Variants in RALGAPA2 observed in about 807,000 individuals in gnomAD.
The protein encoded by RALGAPA2 is Ral GTPase activating protein catalytic subunit alpha 2, also known as ral GTPase-activating protein subunit alpha-2.
RALGAPA2 carries 139 observed loss-of-function variants against 230.4 expected under a neutral mutation model. That is an observed-to-expected ratio of 0.60 (90% CI 0.53 to 0.69). RALGAPA2 has a LOEUF of 0.69. RALGAPA2 is among the 30% of genes least tolerant of loss of function. The pLI is 0.00. For missense variants in RALGAPA2, 2,163 were observed against 2,276.0 expected (o/e 0.95, Z 1.01); for synonymous variants, 847 against 837.8 (o/e 1.01, Z -0.19).
chr20:20,666,011 T>G (rs1163799743), intron 3 of RALGAPA2, among the ~76,000 whole-genome samples: 3 of 152,252 alleles, frequency 2.0e-5, no homozygotes, highest in Admixed American at 6.5e-5. Flanking sequence ...CATTTGGAGT[T>G]GTTCCCAACC....
intron 37 of RALGAPA2, among the ~76,000 whole-genome samples, chr20:20,468,339 A>G (rs970325637): frequency 1.3e-5 from 2 of 152,132 alleles, no homozygotes; most frequent in Non-Finnish European, 2.9e-5. Context: ...CATCCCTCCC[A>G]TCTGGGGGTA....
Position 20,611,407 on chromosome 20 carries a change from G to A in RALGAPA2, c.1708C>T (p.Leu570=). ...ATGACAGCTTCTGTTATCCTGAGTA[G>A]TATTTGCAACATCTGTTCCCTGGGC... ...KKTWEQMLQI[L]LRITEAVMQK... is the part of the protein sequence containing the mutation. Residue 570 remains leucine (L), a synonymous_variant, in exon 14 of 40, where the codon CTA becomes TTA. Coordinates refer to ENST00000202677, the MANE Select transcript of RALGAPA2 (RefSeq NM_020343.4). 6.2e-7 allele frequency: 1 copy of A among 1,612,828 alleles called. No homozygotes were observed. Among genetic ancestry groups the A allele is most frequent in the Non-Finnish European group, 8.5e-7 (1 of 1,179,218 alleles).
At chr20:20,539,785 C>G (rs2063594674) in intron 24 of RALGAPA2, among the ~76,000 whole-genome samples, 1 of 152,198 alleles carries the variant, frequency 6.6e-6, no homozygotes, top group South Asian at 2.1e-4. Flanking sequence ...CCAACCACAG[C>G]CCCTGGGAAC....
chr20:20,594,076 G>C (rs1421051591), intron 16 of RALGAPA2, among the ~76,000 whole-genome samples: 1 of 152,208 alleles, frequency 6.6e-6, no homozygotes, highest in African/African-American at 2.4e-5. Context: ...CGATGCTTAA[G>C]TGTGCTGTTG....
chr20:20,591,062 T>C lies in RALGAPA2; in HGVS notation c.2341+115A>G, dbSNP rs2065274191. On this transcript the variant is annotated intron_variant, in intron 17 of 39. Transcript: ENST00000202677. ...CATCCTTCTAATCAAATTAAAAAGG[T>C]AATTCCCTTGAAATAAATATATTCA... 5 of 1,221,472 alleles carry C rather than the reference T, an allele frequency of 4.1e-6. No homozygotes were observed. In the Admixed American group the frequency reaches 1.0e-4, roughly 25 times the overall value. 75.7% of individuals were successfully genotyped at this position (1,221,472 alleles called of 1,614,324 possible).
chr20:20,599,880 G>A lies in RALGAPA2; in HGVS notation c.2203+1802C>T, dbSNP rs778624368. ...CCCAGCTACTCGGGAGGCTGAGGTG[G>A]TAGAATCGCTTGAACCTGGGAGGTA... is the stretch of plus-strand genomic sequence containing the variant. On this transcript the variant is annotated intron_variant, in intron 16 of 39. Coordinates refer to ENST00000202677, the MANE Select transcript of RALGAPA2 (RefSeq NM_020343.4). Among the ~76,000 whole-genome samples the A allele has an allele frequency of 3.3e-5, 5 of 152,090 alleles. No homozygotes were observed. The East Asian group carries it at 9.7e-4, about 29-fold the overall frequency.
At chr20:20,668,122 G>A (rs2068018397) in intron 3 of RALGAPA2, among the ~76,000 whole-genome samples, 1 of 152,182 alleles carries the variant, frequency 6.6e-6, no homozygotes, top group Non-Finnish European at 1.5e-5. Flanking sequence ...ATGAGATACG[G>A]CTCTACTGGA....
In RALGAPA2 at chr20:20,520,982, T is replaced by C; in HGVS notation, c.4019A>G (p.Lys1340Arg). The change falls in exon 31 of 40, where the codon AAG becomes AGG. Residue 1340 changes from lysine to arginine, a missense_variant. Coordinates refer to ENST00000202677, the MANE Select transcript of RALGAPA2 (RefSeq NM_020343.4). ...YDPFLPLANV[K>R]SSEPVQYHSS... ...ATGATACTGGACTGGCTCAGAGCTC[T>C]TCACATTTGCCAGTGGCAGGAAGGG... 1 of 1,613,970 alleles carries C rather than the reference T, an allele frequency of 6.2e-7. No individual in the cohort carries two copies. The highest frequency in any genetic ancestry group is 8.5e-7 in the Non-Finnish European group (1 of 1,179,860).
In RALGAPA2 at chr20:20,521,060, T is replaced by C; in HGVS notation, c.3941A>G (p.Gln1314Arg). 2.5e-6 allele frequency: 4 copies of C among 1,613,662 alleles called. No homozygotes were observed. Among genetic ancestry groups the C allele is most frequent in the Non-Finnish European group, 3.4e-6 (4 of 1,179,686 alleles). Residue 1314 changes from glutamine (Q) to arginine (R), a missense_variant, in exon 31 of 40, where the codon CAA becomes CGA. By Grantham distance (43) the Gln-to-Arg change is conservative. Transcript: ENST00000202677. ...CCVCGSSTYTQQSHYILTLAD... is the reference protein window; with the variant it reads ...CCVCGSSTYTRQSHYILTLAD... ...CAGGGTCAGTATGTAGTGACTCTGT[T>C]GGGTGTACGTGCTTGAGCCACACAC... is the stretch of plus-strand genomic sequence containing the variant.
At chr20:20,699,742 C>G (rs1316921685) in intron 1 of RALGAPA2, among the ~76,000 whole-genome samples, 1 of 151,980 alleles carries the variant, frequency 6.6e-6, no homozygotes, top group African/African-American at 2.4e-5. Flanking sequence ...AAATGCAAAT[C>G]AAAACCACAA....
At position 20,629,581 on chromosome 20, in the gene RALGAPA2, C is replaced by G. The variant is rs775965744; in HGVS notation, c.1015G>C (p.Gly339Arg). 6.2e-7 allele frequency: 1 copy of G among 1,613,264 alleles called. No homozygotes were observed. The highest frequency in any genetic ancestry group is 8.5e-7 in the Non-Finnish European group (1 of 1,179,864). ...VLPKIIQTVG[G>R]GAVQERAPEL... ...GGCGCTCTCTCCTGCACAGCACCAC[C>G]ACCAACAGTCTGGAAGAAAGTCAGC... Residue 339 changes from glycine (G) to arginine (R), a missense_variant, in exon 10 of 40, where the codon GGT becomes CGT. Physicochemically the swap from Gly to Arg is moderately radical, Grantham distance 125. Coordinates refer to ENST00000202677, the MANE Select transcript of RALGAPA2 (RefSeq NM_020343.4).
chr20:20,649,799 T>C (rs911241010), intron 4 of RALGAPA2, among the ~76,000 whole-genome samples: 5 of 152,188 alleles, frequency 3.3e-5, no homozygotes, highest in Non-Finnish European at 5.9e-5. Flanking sequence ...GTGTTGACGA[T>C]GCGCAGCCTG....
At chr20:20,505,132 C>T (rs1363512363) in intron 34 of RALGAPA2, 1 of 985,290 alleles carries the variant, frequency 1.0e-6, no homozygotes, top group Non-Finnish European at 1.2e-6. Context: ...TCTCTTACTA[C>T]AAACTGTCTA....
At chr20:20,503,241 G>T in intron 35 of RALGAPA2, 110 bp downstream of exon 35, 1 of 1,092,330 alleles carries the variant, frequency 9.2e-7, no homozygotes, top group Non-Finnish European at 1.2e-6. Context: ...GGGTCGTAGA[G>T]TTCAGAGAAA....
intron 36 of RALGAPA2, among the ~76,000 whole-genome samples, chr20:20,473,657 A>G (rs1223876977): frequency 6.6e-6 from 1 of 152,134 alleles, no homozygotes; most frequent in African/African-American, 2.4e-5. Context: ...TGTTTTTAAT[A>G]GAGACTGGCT....
At chr20:20,691,279 T>C (rs1008270640) in intron 1 of RALGAPA2, among the ~76,000 whole-genome samples, 4 of 152,124 alleles carry the variant, frequency 2.6e-5, no homozygotes, top group African/African-American at 9.7e-5. Flanking sequence ...TCACTTCCCT[T>C]CTTTCTCAAT....
chr20:20,582,584 C>T (rs2146017651), intron 20 of RALGAPA2, among the ~76,000 whole-genome samples: 1 of 151,850 alleles, frequency 6.6e-6, no homozygotes, highest in South Asian at 2.1e-4. Context: ...GACTAGGGTC[C>T]CAAGATAATG....
chr20:20,460,633 G>T (rs2061278775), intron 37 of RALGAPA2, among the ~76,000 whole-genome samples: 1 of 152,150 alleles, frequency 6.6e-6, no homozygotes, highest in Non-Finnish European at 1.5e-5. Flanking sequence ...ATTGCTTTAT[G>T]TTTCCCCTAA....
At chr20:20,599,576 T>G (rs1272738726) in intron 16 of RALGAPA2, among the ~76,000 whole-genome samples, 1 of 152,254 alleles carries the variant, frequency 6.6e-6, no homozygotes, top group Non-Finnish European at 1.5e-5. Context: ...TTTACTATTT[T>G]CATATGACAT....
Sources: allele counts gnomAD v4.1 joint callset (sites outside exome capture counted in the v4.1 genomes callset), GRCh38; gene constraint gnomAD v4.1.1; transcripts MANE v1.5; gene names NCBI Gene and HGNC (gene_info 2026-07-23, HGNC 2026-07-21).